Variants in FOXO3 observed in about 807,000 individuals in gnomAD.
The protein encoded by FOXO3 is forkhead box O3.
A neutral mutation model predicts 41.9 loss-of-function variants in FOXO3; 4 were observed. That is an observed-to-expected ratio of 0.10 (90% confidence interval 0.05 to 0.22). The LOEUF is 0.22. Ranked by LOEUF, FOXO3 falls within the 10% of genes least tolerant of loss-of-function variation. The pLI is 1.00. For synonymous variants in FOXO3, 318 were observed against 389.3 expected (o/e 0.82, Z 2.16); for missense variants, 534 against 906.8 (o/e 0.59, Z 5.28).
At chr6:108,635,021 G>A (rs62428910) in intron 1 of FOXO3, among the ~76,000 whole-genome samples, 288 of 151,398 alleles carry the variant, frequency 1.9e-3, no homozygotes, top group Non-Finnish European at 3.2e-3. Flanking sequence ...TAAATATGGC[G>A]GGCATGGTGG....
At chr6:108,631,537 A>G (rs537836770) in intron 1 of FOXO3, among the ~76,000 whole-genome samples, 20 of 152,300 alleles carry the variant, frequency 1.3e-4, no homozygotes, top group South Asian at 8.3e-4. Context: ...GTGTTGGTCC[A>G]GGTTTTTTCT....
At position 108,626,008 on chromosome 6, in the gene FOXO3, T is replaced by C. The variant is rs190645291; in HGVS notation, c.622-37447T>C. ...GGTTATCTGCTTTTCCTCTCAGTTC[T>C]TCCTAGGTAGAGGTGAGGGTGAGCG... On this transcript the variant is annotated intron_variant, in intron 1 of 2. Transcript: ENST00000406360. Among the ~76,000 whole-genome samples, 7 of 152,324 alleles carry C rather than the reference T, an allele frequency of 4.6e-5. No individual in the cohort carries two copies. The East Asian group carries it at 1.3e-3, about 29-fold the overall frequency.
intron 1 of FOXO3, among the ~76,000 whole-genome samples, chr6:108,562,798 C>T (rs1466608846): frequency 1.3e-5 from 2 of 152,188 alleles, no homozygotes; most frequent in African/African-American, 2.4e-5. Context: ...GATGTAATGA[C>T]TTCCTGCAGT....
chr6:108,618,274 T>G, intron 1 of FOXO3: 1 of 746,100 alleles, frequency 1.3e-6, no homozygotes, highest in Non-Finnish European at 2.5e-6. Flanking sequence ...CCTGGGGCTT[T>G]TTGTCAGCCA....
chr6:108,682,012 G>T lies in FOXO3; in HGVS notation c.*2220G>T, dbSNP rs1369532006. On this transcript the variant is annotated 3_prime_UTR_variant, in exon 3 of 3. Coordinates refer to ENST00000406360, the MANE Select transcript of FOXO3 (RefSeq NM_001455.4). ...GGGGAGCGAGATGTAAAAGGGTGGG[G>T]GGATAGGAGAATTCCAGAGTGCTTC... 1 of 152,238 alleles carries T rather than the reference G, an allele frequency of 6.6e-6. No homozygotes were observed. The allele number at this position is 152,238 out of a possible 1,614,324, so 9.4% of individuals were successfully genotyped here. A position where few individuals can be genotyped will look rare whatever the true frequency, so the allele number is the denominator to read the frequency against.
At position 108,650,989 on chromosome 6, in the gene FOXO3, A is replaced by G. The variant is rs969606006; in HGVS notation, c.622-12466A>G. Among the ~76,000 whole-genome samples, 5 of 152,188 alleles carry G rather than the reference A, an allele frequency of 3.3e-5. No homozygotes were observed. The East Asian group carries it at 9.6e-4, about 29-fold the overall frequency. On this transcript the variant is annotated intron_variant, in intron 1 of 2. Coordinates refer to ENST00000406360, the MANE Select transcript of FOXO3 (RefSeq NM_001455.4). ...CCTGTGGTTTTGAACAAGAAAAAAA[A>G]ATCTTGCAAAACCACTATGGTGAAA...
At chr6:108,602,722 A>G (rs959893563) in intron 1 of FOXO3, among the ~76,000 whole-genome samples, 2 of 151,982 alleles carry the variant, frequency 1.3e-5, no homozygotes, top group Non-Finnish European at 2.9e-5. Context: ...ATAACTTTTT[A>G]TAAAGGCCGA....
chr6:108,581,004 G>A (rs934038472), intron 1 of FOXO3, among the ~76,000 whole-genome samples: 3 of 152,194 alleles, frequency 2.0e-5, no homozygotes, highest in Admixed American at 2.0e-4. Flanking sequence ...ACACATAGAT[G>A]AGTTTACTCT....
intron 1 of FOXO3, among the ~76,000 whole-genome samples, chr6:108,568,459 C>T (rs371390754): frequency 1.3e-5 from 2 of 151,448 alleles, no homozygotes; most frequent in African/African-American, 2.4e-5. Flanking sequence ...TTTCTTTCAA[C>T]GCCACCTTAC....
intron 1 of FOXO3, among the ~76,000 whole-genome samples, chr6:108,565,534 C>T (rs577866916): frequency 6.6e-6 from 1 of 152,346 alleles, no homozygotes; most frequent in African/African-American, 2.4e-5. Context: ...ACACAGCACA[C>T]ATCTGCTTTT....
At chr6:108,605,839 G>T (rs1415350956) in intron 1 of FOXO3, among the ~76,000 whole-genome samples, 1 of 152,222 alleles carries the variant, frequency 6.6e-6, no homozygotes, top group Non-Finnish European at 1.5e-5. Flanking sequence ...ATGTAGGACA[G>T]CAAATTAGAT....
intron 1 of FOXO3, among the ~76,000 whole-genome samples, chr6:108,661,134 C>T (rs955453543): frequency 2.6e-5 from 4 of 151,818 alleles, no homozygotes; most frequent in African/African-American, 2.4e-5. Flanking sequence ...CCCAGCTACT[C>T]GGGAGGCTGA....
In FOXO3 at chr6:108,561,342, C is replaced by A. The variant is rs1775778151; in HGVS notation, c.134C>A (p.Ala45Asp). 1.3e-6 allele frequency: 2 copies of A among 1,569,712 alleles called. No homozygotes were observed. Among genetic ancestry groups the A allele is most frequent in the Non-Finnish European group, 1.7e-6 (2 of 1,160,154 alleles). Residue 45 changes from alanine (A) to aspartate (D), a missense_variant, in exon 1 of 3, where the codon GCC becomes GAC. By Grantham distance (126) the Ala-to-Asp change is moderately radical. Transcript: ENST00000406360. ...LQRPELQASP[A>D]KPSGETAADS... ...AGGCCGGAGCTCCAAGCGAGCCCTG[C>A]CAAGCCCTCGGGGGAGACGGCCGCC...
At chr6:108,603,904 TAAAA>T (rs1346978339) in intron 1 of FOXO3, among the ~76,000 whole-genome samples, 2 of 152,186 alleles carry the variant, frequency 1.3e-5, no homozygotes, top group African/African-American at 4.8e-5. Context: ...TTTTTTTATT[TAAAA>T]AGAAGTATTT....
At chr6:108,611,071 T>C (rs1466005202) in intron 1 of FOXO3, among the ~76,000 whole-genome samples, 1 of 150,812 alleles carries the variant, frequency 6.6e-6, no homozygotes, top group Non-Finnish European at 1.5e-5. Flanking sequence ...TTTTGCCTTT[T>C]CTAGAATTTC....
chr6:108,599,611 A>T (rs1166646009), intron 1 of FOXO3, among the ~76,000 whole-genome samples: 1 of 152,194 alleles, frequency 6.6e-6, no homozygotes, highest in Non-Finnish European at 1.5e-5. Context: ...CAGTGTGCCA[A>T]CTTCTGACTG....
chr6:108,607,372 C>G (rs1324628940), intron 1 of FOXO3, among the ~76,000 whole-genome samples: 3 of 151,422 alleles, frequency 2.0e-5, no homozygotes, highest in Non-Finnish European at 4.4e-5. Context: ...ATTGCTTGAA[C>G]CTGGGAGGCG....
rs1481058472 is a variant in FOXO3 at position 108,664,364 on chromosome 6, C to T, written c.1531C>T (p.Leu511Phe). The T allele has an allele frequency of 6.2e-7, 1 of 1,613,556 alleles. No individual in the cohort carries two copies. Among genetic ancestry groups the T allele is most frequent in the Non-Finnish European group, 8.5e-7 (1 of 1,179,716 alleles). The part of the protein sequence containing the change: ...SAQNSRRNVM[L>F]RNDPMMSFAA... ...CCAGAATTCCCGCCGGAACGTGATG[C>T]TTCGCAATGATCCGATGATGTCCTT... The change falls in exon 2 of 3, where the codon CTT becomes TTT. Residue 511 changes from leucine to phenylalanine, a missense_variant. Physicochemically the swap from Leu to Phe is conservative, Grantham distance 22 (BLOSUM62 0). Transcript: ENST00000406360.
chr6:108,676,821 A>C (rs1333094986), intron 2 of FOXO3, among the ~76,000 whole-genome samples: 1 of 152,224 alleles, frequency 6.6e-6, no homozygotes, highest in East Asian at 1.9e-4. Context: ...AGCCATTAAA[A>C]ATCTAAGACA....
Sources: allele counts gnomAD v4.1 joint callset (sites outside exome capture counted in the v4.1 genomes callset), GRCh38; gene constraint gnomAD v4.1.1; transcripts MANE v1.5; gene names NCBI Gene and HGNC (gene_info 2026-07-23, HGNC 2026-07-21).